Variants in XYLB observed in about 807,000 individuals in gnomAD.
XYLB encodes the protein xylulokinase, also known as xylulose kinase.
Under a neutral mutation model 78.7 loss-of-function variants are expected in XYLB, and 62 were observed. The observed-to-expected ratio is 0.79, with a 90% CI of 0.64 to 0.97. The LOEUF (loss-of-function observed/expected upper bound fraction) is 0.97. Ranked by LOEUF, XYLB falls within the 50% of genes least tolerant of loss-of-function variation. The pLI is 0.00. For synonymous variants in XYLB, 245 were observed against 247.4 expected, an observed-to-expected ratio of 0.99 and a Z score of 0.09; for missense variants, 687 against 676.8, an observed-to-expected ratio of 1.02 and a Z score of -0.17.
At position 38,413,151 on chromosome 3, in the gene XYLB, T is replaced by C; in HGVS notation, c.*138T>C. 1.3e-6 allele frequency: 1 copy of C among 762,070 alleles called. No individual in the cohort carries two copies. Among genetic ancestry groups the C allele is most frequent in the Non-Finnish European group, 2.0e-6 (1 of 511,856 alleles). 47.2% of individuals were successfully genotyped at this position (762,070 alleles called of 1,614,324 possible). On this transcript the variant is annotated 3_prime_UTR_variant, in exon 19 of 19. Transcript: ENST00000207870. ...TGACTCCTTGGAGTGTCCAGGACCA[T>C]CTTAAAGCCGCCCTCAGCACATCTG...
At chr3:38,409,663 A>T (rs1040517636) in intron 18 of XYLB, among the ~76,000 whole-genome samples, 3 of 152,172 alleles carry the variant, frequency 2.0e-5, no homozygotes, top group East Asian at 1.9e-4. Context: ...AAAATCTCCT[A>T]AAGCTGATAA....
rs1705273853 is a variant in XYLB, at chr3:38,349,992, C to T, written c.140+1360C>T. 3.3e-5 allele frequency among the ~76,000 whole-genome samples: 5 copies of T among 152,280 alleles called. No individual in the cohort carries two copies. The South Asian group carries it at 1.0e-3, about 32-fold the overall frequency. ...TCTCCAAATAATCACAATCCAAGGC[C>T]CTCGGGGTTAGGATTTCAGCATATG... On this transcript the variant is annotated intron_variant, in intron 2 of 18. Transcript: ENST00000207870.
the XYLB span, among the ~76,000 whole-genome samples, chr3:38,429,605 C>A: frequency 6.7e-6 from 1 of 150,338 alleles, no homozygotes; most frequent in Non-Finnish European, 1.5e-5. Flanking sequence ...TAAATGTGCA[C>A]AACGTGCAGG....
Position 38,397,111 on chromosome 3 carries a change from G to C in XYLB, c.1390G>C (p.Asp464His), listed in dbSNP as rs1393228488. 1 of 1,614,168 alleles carries C rather than the reference G, an allele frequency of 6.2e-7. No homozygotes were observed. Reference sequence around the variant, plus strand: ...GTTTGATGCCCCGGTGTATGTTATAGACACTGCCAACTCGGCCTGTGTGGG... The same window carrying C: ...GTTTGATGCCCCGGTGTATGTTATACACACTGCCAACTCGGCCTGTGTGGG... ...DVFDAPVYVI[D>H]TANSACVGSA... Residue 464 changes from aspartate to histidine, a missense_variant, in exon 17 of 19, where the codon GAC becomes CAC. By Grantham distance (81) the Asp-to-His change is moderately conservative. Coordinates refer to ENST00000207870, the MANE Select transcript of XYLB (RefSeq NM_005108.4).
intron 14 of XYLB, 51 bp from the exon 15 acceptor site, chr3:38,379,195 G>C (rs544825004): frequency 6.4e-7 from 1 of 1,572,450 alleles, no homozygotes; most frequent in Non-Finnish European, 8.8e-7. Context: ...ATACACACAC[G>C]AATGGACAAT....
In XYLB at chr3:38,362,815, T is replaced by G. The variant is rs1175552769; in HGVS notation, c.211-122T>G. 26 of 694,340 alleles carry G rather than the reference T, an allele frequency of 3.7e-5. No individual in the cohort carries two copies. The East Asian group carries it at 6.7e-4, about 18-fold the overall frequency. 43.0% of individuals were successfully genotyped at this position (694,340 alleles called of 1,614,324 possible). On this transcript the variant is annotated intron_variant, in intron 3 of 18. Transcript: ENST00000207870. ...TGCTTACAAATCCCAAGTCATGAGT[T>G]TCTTCATCATCTGCCCAGAGTACTC...
At chr3:38,374,330 C>T in intron 10 of XYLB, 132 bp from the exon 11 acceptor site, 3 of 1,317,778 alleles carry the variant, frequency 2.3e-6, no homozygotes, top group Non-Finnish European at 3.2e-6. Context: ...AGCTCCCCTG[C>T]TCCTGCCTCC....
chr3:38,427,245 C>T, the XYLB span, among the ~76,000 whole-genome samples: 1 of 152,268 alleles, frequency 6.6e-6, no homozygotes, highest in Admixed American at 6.5e-5. Flanking sequence ...CATGACTGAG[C>T]TGGTCTTGGC....
At chr3:38,434,701 A>G in the XYLB span, among the ~76,000 whole-genome samples, 1 of 152,240 alleles carries the variant, frequency 6.6e-6, no homozygotes, top group South Asian at 2.1e-4. Context: ...GAAATCCACC[A>G]AGCCACAATG....
the XYLB span, among the ~76,000 whole-genome samples, chr3:38,430,447 C>T: frequency 7.2e-5 from 11 of 152,094 alleles, no homozygotes; most frequent in South Asian, 1.7e-3. Context: ...TGTAGATTCT[C>T]GATATTAGCC....
chr3:38,370,213 T>C, intron 9 of XYLB, 39 bp downstream of exon 9: 1 of 1,372,430 alleles, frequency 7.3e-7, no homozygotes. Context: ...ATTTAAGAGC[T>C]GGCAGCTACC....
chr3:38,349,215 A>T (rs1445549736), intron 2 of XYLB, among the ~76,000 whole-genome samples: 1 of 152,246 alleles, frequency 6.6e-6, no homozygotes. Context: ...AAGAAAGAGC[A>T]TGGTTCATTC....
At chr3:38,389,853 C>G (rs1419169032) in intron 15 of XYLB, among the ~76,000 whole-genome samples, 1 of 152,174 alleles carries the variant, frequency 6.6e-6, no homozygotes, top group Non-Finnish European at 1.5e-5. Flanking sequence ...AGGACTAGCT[C>G]TATATTGGAG....
Position 38,413,358 on chromosome 3 carries a change from A to G in XYLB, c.*345A>G, listed in dbSNP as rs534913147. 10 of 214,480 alleles carry G rather than the reference A, an allele frequency of 4.7e-5. No homozygotes were observed. Among genetic ancestry groups the G allele is most frequent in the Admixed American group, 1.8e-4 (3 of 16,714 alleles). The allele number at this position is 214,480 out of a possible 1,614,324, so 13.3% of individuals were successfully genotyped here. A position where few individuals can be genotyped will look rare whatever the true frequency, so the allele number is the denominator to read the frequency against. On this transcript the variant is annotated 3_prime_UTR_variant, in exon 19 of 19. Transcript: ENST00000207870. Reference sequence around the variant, plus strand: ...TAAAGCTAATCTAGGGACTCAAATCAGCAGAATGGGGGAGACAAAGCCCGG... The same window carrying G: ...TAAAGCTAATCTAGGGACTCAAATCGGCAGAATGGGGGAGACAAAGCCCGG...
chr3:38,375,276 G>A lies in XYLB; in HGVS notation c.1004+17G>A. On this transcript the variant is annotated intron_variant, in intron 12 of 18. Coordinates refer to ENST00000207870, the MANE Select transcript of XYLB (RefSeq NM_005108.4). ...ACTCCTGTGGTGAGCTTGGGTGTTG[G>A]TTGGCACCATTCCCTGGGTGAGGAG... 1.9e-6 allele frequency: 3 copies of A among 1,610,358 alleles called. No individual in the cohort carries two copies. Among genetic ancestry groups the A allele is most frequent in the Non-Finnish European group, 2.5e-6 (3 of 1,176,756 alleles).
intron 11 of XYLB, 90 bp downstream of exon 11, chr3:38,374,592 G>C: frequency 6.4e-7 from 1 of 1,567,056 alleles, no homozygotes; most frequent in Non-Finnish European, 8.8e-7. Flanking sequence ...CTGAGACCCA[G>C]ATCCCAGGGT....
chr3:38,346,875 G>A lies in XYLB; in HGVS notation c.7G>A (p.Glu3Lys). The change falls in exon 1 of 19, where the codon GAG becomes AAG. Residue 3 changes from glutamate (E) to lysine (K), a missense_variant. Transcript: ENST00000207870. MA[E>K]HAPRRCCLGW... ...CAGCCTTACCCGAAAGGCCATGGCG[G>A]AGCACGCCCCTCGCCGCTGCTGCCT... is the stretch of plus-strand genomic sequence containing the variant. 3 of 1,521,486 alleles carry A rather than the reference G, an allele frequency of 2.0e-6. No homozygotes were observed. The highest frequency in any genetic ancestry group is 1.2e-5 in the South Asian group (1 of 80,968). 94.2% of individuals were successfully genotyped at this position (1,521,486 alleles called of 1,614,324 possible). A position where few individuals can be genotyped will look rare whatever the true frequency, so the allele number is the denominator to read the frequency against.
Position 38,362,936 on chromosome 3 carries a change from G to A in XYLB, c.211-1G>A, listed in dbSNP as rs780898784. ...ATGGTGGGTTCTGTTTTTCTTCTTAGGCACTGGATATCATCTTGGAGAAGA... is the reference window on the plus strand; with the variant it reads ...ATGGTGGGTTCTGTTTTTCTTCTTAAGCACTGGATATCATCTTGGAGAAGA... On this transcript the variant is annotated splice_acceptor_variant, in intron 3 of 18. Transcript: ENST00000207870. LOFTEE classifies it high-confidence loss of function. The A allele has an allele frequency of 6.4e-7, 1 of 1,570,506 alleles. No individual in the cohort carries two copies. Among genetic ancestry groups the A allele is most frequent in the South Asian group, 1.2e-5 (1 of 85,104 alleles).
chr3:38,382,121 GGAAAA>G (rs1182199563), intron 15 of XYLB, among the ~76,000 whole-genome samples: 1 of 152,084 alleles, frequency 6.6e-6, no homozygotes, highest in Non-Finnish European at 1.5e-5. Flanking sequence ...TAGGAAAAAT[GGAAAA>G]GAACCTACGT....
Sources: allele counts gnomAD v4.1 joint callset (sites outside exome capture counted in the v4.1 genomes callset), GRCh38; gene constraint gnomAD v4.1.1; transcripts MANE v1.5; gene names NCBI Gene and HGNC (gene_info 2026-07-23, HGNC 2026-07-21).